Variants in ANK3 observed in about 807,000 individuals in gnomAD.
The protein encoded by ANK3 is ankyrin-3.
A neutral mutation model predicts 370.9 loss-of-function variants in ANK3; 57 were observed. That is an observed-to-expected ratio of 0.15 (90% CI 0.12 to 0.19). ANK3 has a LOEUF of 0.19. ANK3 is among the 10% of genes least tolerant of loss of function. The pLI, the probability that ANK3 is intolerant of heterozygous loss-of-function variation, is 1.00. For missense variants in ANK3, 4,439 were observed against 5,302.1 expected, an observed-to-expected ratio of 0.84 and a Z score of 5.06; for synonymous variants, 1,929 against 1,946.3, an observed-to-expected ratio of 0.99 and a Z score of 0.23.
At chr10:60,215,118 T>G (rs780023751) in intron 8 of ANK3, among the ~76,000 whole-genome samples, 5 of 152,206 alleles carry the variant, frequency 3.3e-5, no homozygotes, top group Non-Finnish European at 7.3e-5. Flanking sequence ...ATCACTGATG[T>G]TGAACTTTTT....
intron 8 of ANK3, among the ~76,000 whole-genome samples, chr10:60,221,873 T>C (rs961034299): frequency 6.6e-6 from 1 of 152,222 alleles, no homozygotes. Flanking sequence ...TAACAACATG[T>C]GGCATCTAAA....
intron 1 of ANK3, among the ~76,000 whole-genome samples, chr10:60,691,395 G>A (rs975250370): frequency 2.0e-5 from 3 of 152,250 alleles, no homozygotes; most frequent in African/African-American, 4.8e-5. Flanking sequence ...CCAACTCTGA[G>A]ACTGAGAGGA....
chr10:60,549,612 C>T (rs533420086), intron 2 of ANK3, among the ~76,000 whole-genome samples: 1 of 152,174 alleles, frequency 6.6e-6, no homozygotes, highest in African/African-American at 2.4e-5. Flanking sequence ...CATGAATCTG[C>T]CCAGAATTCT....
intron 1 of ANK3, among the ~76,000 whole-genome samples, chr10:60,657,604 T>C (rs2078882101): frequency 6.6e-6 from 1 of 152,206 alleles, no homozygotes; most frequent in South Asian, 2.1e-4. Flanking sequence ...TCTCAATCTT[T>C]TGAAATCTAT....
At chr10:60,460,004 C>G (rs1198084859) in intron 2 of ANK3, among the ~76,000 whole-genome samples, 1 of 152,114 alleles carries the variant, frequency 6.6e-6, no homozygotes, top group Non-Finnish European at 1.5e-5. Flanking sequence ...CAGCTCAGCT[C>G]AGAAAAGCAG....
At chr10:60,205,942 G>C in intron 10 of ANK3, 52 bp from the exon 11 acceptor site, 2 of 1,154,616 alleles carry the variant, frequency 1.7e-6, no homozygotes, top group Non-Finnish European at 2.6e-6. Flanking sequence ...TCAAAATCCA[G>C]TTTCACTGTG....
chr10:60,127,041 C>T (rs1172322607), intron 25 of ANK3, among the ~76,000 whole-genome samples: 57 of 152,188 alleles, frequency 3.7e-4, no homozygotes, highest in Non-Finnish European at 7.9e-4. Context: ...ACTTCAAGGT[C>T]GGTTGAATCC....
intron 29 of ANK3, 34 bp from the exon 30 acceptor site, chr10:60,086,918 A>AT (rs2086816087): frequency 2.4e-6 from 3 of 1,244,404 alleles, no homozygotes; most frequent in East Asian, 6.3e-5. Context: ...AATGAAAGTG[A>AT]CTTTTTTTTT....
intron 37 of ANK3, among the ~76,000 whole-genome samples, chr10:60,068,292 A>G (rs2082024416): frequency 6.6e-6 from 1 of 152,178 alleles, no homozygotes; most frequent in Admixed American, 6.5e-5. Context: ...TGGTGAAAAC[A>G]CCATGATGGG....
intron 42 of ANK3, chr10:60,043,730 C>T: frequency 2.0e-6 from 2 of 985,456 alleles, no homozygotes; most frequent in Non-Finnish European, 2.4e-6. Flanking sequence ...AACAGACACT[C>T]TGCTGAAGGC....
intron 36 of ANK3, among the ~76,000 whole-genome samples, chr10:60,077,762 TG>T (rs2084164472): frequency 6.6e-6 from 1 of 152,142 alleles, no homozygotes; most frequent in Admixed American, 6.5e-5. Flanking sequence ...GTAGGATATG[TG>T]GGGTGTGTGT....
intron 39 of ANK3, among the ~76,000 whole-genome samples, chr10:60,063,777 A>T (rs1010631896): frequency 6.6e-6 from 1 of 152,186 alleles, no homozygotes; most frequent in African/African-American, 2.4e-5. Context: ...CCCTAATATG[A>T]TCCTGTCTTC....
At chr10:60,451,376 G>A (rs553857943) in intron 2 of ANK3, among the ~76,000 whole-genome samples, 1 of 152,310 alleles carries the variant, frequency 6.6e-6, no homozygotes, top group East Asian at 1.9e-4. Flanking sequence ...TGAGGCTTTA[G>A]AGAGGTGAAG....
At chr10:60,051,507 T>G (rs1332579806) in intron 42 of ANK3, 1 of 985,606 alleles carries the variant, frequency 1.0e-6, no homozygotes, top group African/African-American at 1.7e-5. Flanking sequence ...ATAACTCGGG[T>G]AGTGACTCTC....
intron 1 of ANK3, among the ~76,000 whole-genome samples, chr10:60,703,539 A>G (rs2079572946): frequency 6.6e-6 from 1 of 152,218 alleles, no homozygotes; most frequent in South Asian, 2.1e-4. Flanking sequence ...TTTGGTTTCT[A>G]TCTTCAAACA....
intron 18 of ANK3, among the ~76,000 whole-genome samples, chr10:60,180,338 C>T (rs1250065755): frequency 6.6e-6 from 1 of 152,114 alleles, no homozygotes; most frequent in African/African-American, 2.4e-5. Flanking sequence ...GGGCTCACGC[C>T]TGTAATCCCA....
At chr10:60,653,081 A>C (rs576543220) in intron 1 of ANK3, among the ~76,000 whole-genome samples, 17 of 152,102 alleles carry the variant, frequency 1.1e-4, no homozygotes, top group Non-Finnish European at 2.4e-4. Flanking sequence ...ATATATCATA[A>C]ATATTTTCTC....
intron 1 of ANK3, among the ~76,000 whole-genome samples, chr10:60,721,327 G>C (rs1198978009): frequency 6.6e-6 from 1 of 152,140 alleles, no homozygotes; most frequent in Non-Finnish European, 1.5e-5. Flanking sequence ...GAGAAGACTT[G>C]TATGTAGAGG....
At chr10:60,701,079 GAT>G (rs1340015563) in intron 1 of ANK3, among the ~76,000 whole-genome samples, 1 of 151,866 alleles carries the variant, frequency 6.6e-6, no homozygotes, top group Non-Finnish European at 1.5e-5. Flanking sequence ...AGAGAAAAAA[GAT>G]ATTGTTTAAA....
Sources: gnomAD v4.1 joint callset for allele counts (sites outside exome capture counted in the v4.1 genomes callset) on GRCh38, gnomAD v4.1.1 for gene constraint, MANE v1.5 for transcripts, NCBI Gene and HGNC (gene_info 2026-07-23, HGNC 2026-07-21) for gene names.